The following ZNF407 variants were observed in gnomAD, a reference collection of about 807,000 sequenced individuals.
ZNF407 encodes zinc finger protein 407.
ZNF407 carries 17 observed loss-of-function variants against 131.2 expected under a neutral mutation model. The observed-to-expected ratio is 0.13, with a 90% CI of 0.09 to 0.19. The LOEUF is 0.19. ZNF407 is among the 10% of genes least tolerant of loss of function. The pLI is 1.00. For synonymous variants in ZNF407, 1,156 were observed against 1,062.0 expected, an observed-to-expected ratio of 1.09 and a Z score of -1.72; for missense variants, 2,681 against 2,830.6, an observed-to-expected ratio of 0.95 and a Z score of 1.20.
intron 8 of ZNF407, among the ~76,000 whole-genome samples, chr18:74,926,002 C>T (rs1012219144): frequency 1.3e-5 from 2 of 152,206 alleles, no homozygotes; most frequent in African/African-American, 4.8e-5. Context: ...CCTGATACTT[C>T]ACCACTAACA....
intron 3 of ZNF407, among the ~76,000 whole-genome samples, chr18:74,726,902 A>G (rs1010690290): frequency 6.6e-6 from 1 of 152,156 alleles, no homozygotes; most frequent in Non-Finnish European, 1.5e-5. Context: ...ATTTCGGTGC[A>G]TCTTATTGGA....
intron 1 of ZNF407, among the ~76,000 whole-genome samples, chr18:74,622,803 T>A (rs983483773): frequency 4.0e-5 from 6 of 151,280 alleles, no homozygotes; most frequent in African/African-American, 1.5e-4. Context: ...TGTGTCTGAA[T>A]TTGTGAATAT....
chr18:75,036,665 A>T (rs1973312221), intron 8 of ZNF407, among the ~76,000 whole-genome samples: 1 of 152,244 alleles, frequency 6.6e-6, no homozygotes, highest in African/African-American at 2.4e-5. Context: ...CAAAAATGAC[A>T]AGAAAGGGTG....
chr18:74,752,014 C>T (rs1417658474), intron 3 of ZNF407, among the ~76,000 whole-genome samples: 1 of 152,158 alleles, frequency 6.6e-6, no homozygotes, highest in Non-Finnish European at 1.5e-5. Context: ...CCTATTTCTC[C>T]ATATCCTCTC....
In ZNF407 at chr18:74,881,105, G is replaced by A. The variant is rs201710285; in HGVS notation, c.5114G>A (p.Arg1705His). 10 of 1,575,414 alleles carry A rather than the reference G, an allele frequency of 6.3e-6. No homozygotes were observed. The highest frequency in any genetic ancestry group is 1.3e-5 in the African/African-American group (1 of 74,420). Residue 1705 changes from arginine (R) to histidine (H), a missense_variant, in exon 6 of 9, where the codon CGC becomes CAC. Transcript: ENST00000299687. ...GGTRHALTKH[R>H]RQHTGEKPFK... ...ACCCGCCACGCCCTCACCAAGCATCGCAGACAGCACACAGGTCAGTTCCGA... is the reference window on the plus strand; with the variant it reads ...ACCCGCCACGCCCTCACCAAGCATCACAGACAGCACACAGGTCAGTTCCGA...
Position 74,839,343 on chromosome 18 carries a change from G to A in ZNF407, c.4878-37854G>A, listed in dbSNP as rs1468000809. On this transcript the variant is annotated intron_variant, in intron 4 of 8. Transcript: ENST00000299687. ...CACACACACTGGAGATTAATTACAA[G>A]GAATTGTGTTATGCGATTTTTGGGT... is the stretch of plus-strand genomic sequence containing the variant. 2.0e-5 allele frequency among the ~76,000 whole-genome samples: 3 copies of A among 152,344 alleles called. No homozygotes were observed. In the East Asian group the frequency reaches 5.8e-4, roughly 29 times the overall value.
At chr18:75,042,809 C>T (rs1469349095) in intron 8 of ZNF407, among the ~76,000 whole-genome samples, 2 of 152,204 alleles carry the variant, frequency 1.3e-5, no homozygotes, top group Non-Finnish European at 2.9e-5. Context: ...ACGTCAGTGG[C>T]AGGTACCCAT....
At chr18:74,865,805 A>G (rs186201886) in intron 4 of ZNF407, among the ~76,000 whole-genome samples, 325 of 152,372 alleles carry the variant, frequency 2.1e-3, no homozygotes, top group Non-Finnish European at 4.0e-3. Flanking sequence ...TAGTGAAAGT[A>G]CGCTAAATTA....
At chr18:74,659,336 A>G (rs779559754) in intron 3 of ZNF407, among the ~76,000 whole-genome samples, 25 of 152,198 alleles carry the variant, frequency 1.6e-4, no homozygotes, top group African/African-American at 5.1e-4. Flanking sequence ...TACAGAATCT[A>G]TGCATATAAA....
intron 3 of ZNF407, among the ~76,000 whole-genome samples, chr18:74,747,686 T>C (rs1278690088): frequency 6.6e-6 from 1 of 152,190 alleles, no homozygotes; most frequent in Non-Finnish European, 1.5e-5. Context: ...GAACAAGTGC[T>C]GTTTTTGGTA....
chr18:74,698,969 T>C (rs973177133), intron 3 of ZNF407, among the ~76,000 whole-genome samples: 3 of 152,162 alleles, frequency 2.0e-5, no homozygotes, highest in Non-Finnish European at 4.4e-5. Context: ...TTCGAATTTG[T>C]TGTTTTTGGT....
chr18:75,002,108 G>T (rs767676392), intron 8 of ZNF407, among the ~76,000 whole-genome samples: 1 of 152,322 alleles, frequency 6.6e-6, no homozygotes, highest in East Asian at 1.9e-4. Context: ...CCATGTGAGC[G>T]CAACTGCAGC....
intron 8 of ZNF407, among the ~76,000 whole-genome samples, chr18:74,947,270 G>A (rs6566034): frequency 0.99 from 150,415 of 152,316 alleles, 74,291 homozygotes; most frequent in Middle Eastern, 1. Context: ...AGTATTACCT[G>A]ATTTTAGCTG....
intron 3 of ZNF407, among the ~76,000 whole-genome samples, chr18:74,743,090 C>T (rs916821977): frequency 1.2e-4 from 18 of 152,062 alleles, no homozygotes; most frequent in Admixed American, 5.2e-4. Flanking sequence ...ATTTGCTTTA[C>T]ATTTGTAGTG....
At chr18:74,946,516 A>G (rs1406880354) in intron 8 of ZNF407, among the ~76,000 whole-genome samples, 3 of 152,224 alleles carry the variant, frequency 2.0e-5, no homozygotes, top group African/African-American at 7.2e-5. Flanking sequence ...CAGGGGAGAA[A>G]ATATTTTGAC....
At chr18:74,910,747 T>A (rs1249721207) in intron 7 of ZNF407, among the ~76,000 whole-genome samples, 1 of 152,180 alleles carries the variant, frequency 6.6e-6, no homozygotes, top group Non-Finnish European at 1.5e-5. Context: ...TATAATAATT[T>A]TCAAAAATGC....
At chr18:74,605,851 G>A (rs752104550) in intron 1 of ZNF407, among the ~76,000 whole-genome samples, 2 of 151,998 alleles carry the variant, frequency 1.3e-5, no homozygotes, top group Admixed American at 6.5e-5. Context: ...CCCAGCCCAC[G>A]TCTGTGTGTG....
At chr18:74,684,739 G>A (rs1275854360) in intron 3 of ZNF407, among the ~76,000 whole-genome samples, 11 of 152,154 alleles carry the variant, frequency 7.2e-5, no homozygotes, top group Non-Finnish European at 1.2e-4. Context: ...GGCAAAGGTT[G>A]CCTCTTTGTT....
At chr18:74,925,031 T>C (rs1378915152) in intron 8 of ZNF407, among the ~76,000 whole-genome samples, 3 of 152,336 alleles carry the variant, frequency 2.0e-5, no homozygotes, top group Non-Finnish European at 2.9e-5. Flanking sequence ...TAAGTGTTGT[T>C]GTCTTTTCCA....
Sources: gnomAD v4.1 joint callset for allele counts (sites outside exome capture counted in the v4.1 genomes callset) on GRCh38, gnomAD v4.1.1 for gene constraint, MANE v1.5 for transcripts, NCBI Gene and HGNC (gene_info 2026-07-23, HGNC 2026-07-21) for gene names.